TMEM61: variants seen among roughly 807,000 people sequenced by gnomAD.
TMEM61 encodes the protein transmembrane protein 61.
In TMEM61, 13 loss-of-function variants were observed where a neutral mutation model predicts 12.0. That is an observed-to-expected ratio of 1.08 (90% CI 0.70 to 1.72). The LOEUF (loss-of-function observed/expected upper bound fraction) is 1.72. Ranked by LOEUF, TMEM61 falls within the 40% of genes most tolerant of loss-of-function variation. The pLI, the probability that TMEM61 is intolerant of heterozygous loss-of-function variation, is 0.00. For missense variants in TMEM61, 249 were observed against 276.9 expected (o/e 0.90, Z 0.71); for synonymous variants, 109 against 121.4 (o/e 0.90, Z 0.67).
chr1:54,984,487 G>A (rs1464318642), intron 1 of TMEM61, among the ~76,000 whole-genome samples: 3 of 152,188 alleles, frequency 2.0e-5, no homozygotes, highest in Admixed American at 6.5e-5. Context: ...TGTGGAAGCT[G>A]GAATCCTGCA....
At chr1:54,988,271 G>GT (rs954863215) in intron 2 of TMEM61, among the ~76,000 whole-genome samples, 7 of 152,254 alleles carry the variant, frequency 4.6e-5, no homozygotes, top group African/African-American at 1.7e-4. Flanking sequence ...GGGGGTGGGT[G>GT]TTGCCTGTAC....
intron 1 of TMEM61, among the ~76,000 whole-genome samples, chr1:54,984,982 T>G (rs148417313): frequency 6.6e-6 from 1 of 152,154 alleles, no homozygotes. Context: ...TTTTATTTAA[T>G]TGAGACAACA....
At chr1:54,981,724 G>A (rs1313557012) in intron 1 of TMEM61, among the ~76,000 whole-genome samples, 2 of 152,168 alleles carry the variant, frequency 1.3e-5, no homozygotes, top group African/African-American at 4.8e-5. Flanking sequence ...GCAGGAGGGA[G>A]GCTCTGTCCT....
intron 1 of TMEM61, 130 bp downstream of exon 1, chr1:54,981,210 C>T: frequency 9.4e-7 from 1 of 1,065,058 alleles, no homozygotes. Context: ...GGGGCTCTGC[C>T]TGGGTTTTAT....
chr1:54,981,956 A>G (rs1238381934), intron 1 of TMEM61, among the ~76,000 whole-genome samples: 3 of 127,086 alleles, frequency 2.4e-5, no homozygotes, highest in Admixed American at 8.5e-5. Flanking sequence ...GAGAAGCAAT[A>G]TGGTATTATT....
At chr1:54,983,323 A>G (rs1044405858) in intron 1 of TMEM61, among the ~76,000 whole-genome samples, 1 of 151,854 alleles carries the variant, frequency 6.6e-6, no homozygotes, top group Non-Finnish European at 1.5e-5. Flanking sequence ...GGGTTTCACC[A>G]TATTGCCCAG....
Position 54,992,074 on chromosome 1 carries a change from C to G in TMEM61, c.604C>G (p.Leu202Val). ...TPSATRSCSG[L>V]VQTARGGS Reference sequence around the variant, plus strand: ...GAGTGCCACACGCTCCTGCTCAGGCCTGGTTCAGACTGCACGGGGAGGAAG... The same window carrying G: ...GAGTGCCACACGCTCCTGCTCAGGCGTGGTTCAGACTGCACGGGGAGGAAG... Residue 202 changes from leucine (L) to valine (V), a missense_variant, in exon 3 of 3, where the codon CTG becomes GTG. Leu to Val is a conservative substitution (Grantham distance 32). Coordinates refer to ENST00000371268, the MANE Select transcript of TMEM61 (RefSeq NM_182532.3). 1 of 1,613,088 alleles carries G rather than the reference C, an allele frequency of 6.2e-7. No individual in the cohort carries two copies. Among genetic ancestry groups the G allele is most frequent in the Non-Finnish European group, 8.5e-7 (1 of 1,180,004 alleles).
chr1:54,981,036 G>T lies in TMEM61; in HGVS notation c.-30G>T, dbSNP rs200972711. The T allele has an allele frequency of 1.6e-5, 25 of 1,563,684 alleles. No homozygotes were observed. Among genetic ancestry groups the T allele is most frequent in the Admixed American group, 1.9e-5 (1 of 53,390 alleles). Reference sequence around the variant, plus strand: ...TTCACCTGCGCCCGGCTCCCTGCGCGCCTGGACAGCGCCTGCTGCCCGCCT... The same window carrying T: ...TTCACCTGCGCCCGGCTCCCTGCGCTCCTGGACAGCGCCTGCTGCCCGCCT... On this transcript the variant is annotated 5_prime_UTR_variant, in exon 1 of 3. Transcript: ENST00000371268.
At position 54,982,575 on chromosome 1, in the gene TMEM61, G is replaced by A. The variant is rs12747477; in HGVS notation, c.15+1495G>A. ...CGAGACCCACACAGAAAATGACCCC[G>A]ACCCCATGTGAGAACACGCAAAGGG... is the stretch of plus-strand genomic sequence containing the variant. On this transcript the variant is annotated intron_variant, in intron 1 of 2. Transcript: ENST00000371268. 7.8e-3 allele frequency among the ~76,000 whole-genome samples: 1,183 copies of A among 152,206 alleles called. 17 individuals are homozygous for A. The highest frequency in any genetic ancestry group is 8.3e-3 in the Non-Finnish European group (568 of 68,024).
At chr1:54,981,402 G>A (rs1239174047) in intron 1 of TMEM61, among the ~76,000 whole-genome samples, 1 of 152,220 alleles carries the variant, frequency 6.6e-6, no homozygotes, top group East Asian at 1.9e-4. Flanking sequence ...CTGATAACTT[G>A]AGGTCAGGAG....
At chr1:54,991,808 GC>G in intron 2 of TMEM61, 27 bp from the exon 3 acceptor site, 1 of 1,608,226 alleles carries the variant, frequency 6.2e-7, no homozygotes, top group East Asian at 2.2e-5. Context: ...CCCAGCCCCT[GC>G]TAACAGCCTC....
chr1:54,988,665 C>T (rs560861748), intron 2 of TMEM61, among the ~76,000 whole-genome samples: 1 of 152,336 alleles, frequency 6.6e-6, no homozygotes, highest in Admixed American at 6.5e-5. Context: ...GGGCAGGTCC[C>T]TTCCCCTCTT....
chr1:54,991,044 G>A (rs1644294806), intron 2 of TMEM61, among the ~76,000 whole-genome samples: 1 of 152,228 alleles, frequency 6.6e-6, no homozygotes, highest in South Asian at 2.1e-4. Context: ...TCCCCACTGT[G>A]TGTCCCAGGT....
intron 2 of TMEM61, 133 bp from the exon 3 acceptor site, chr1:54,991,703 T>A: frequency 2.7e-6 from 3 of 1,112,574 alleles, no homozygotes; most frequent in Non-Finnish European, 2.6e-6. Flanking sequence ...TGCGTATATG[T>A]GACCCTGGAG....
At chr1:54,989,518 G>A (rs1357032796) in intron 2 of TMEM61, among the ~76,000 whole-genome samples, 1 of 152,236 alleles carries the variant, frequency 6.6e-6, no homozygotes, top group Admixed American at 6.5e-5. Context: ...CTTCCTGTGC[G>A]GGGAGACCAC....
chr1:54,980,808 T>C lies in TMEM61; in HGVS notation c.-258T>C. ...CCGGGGTGAGGCCTGGCTCGGTCCCTGCGCACCGGGTGCGGGCGGCGGAGA... is the reference window on the plus strand; with the variant it reads ...CCGGGGTGAGGCCTGGCTCGGTCCCCGCGCACCGGGTGCGGGCGGCGGAGA... On this transcript the variant is annotated 5_prime_UTR_variant, in exon 1 of 3. Transcript: ENST00000371268. 2.6e-6 allele frequency: 1 copy of C among 381,712 alleles called. No individual in the cohort carries two copies. The highest frequency in any genetic ancestry group is 4.6e-6 in the Non-Finnish European group (1 of 215,830). 23.6% of individuals were successfully genotyped at this position (381,712 alleles called of 1,614,324 possible). A position where few individuals can be genotyped will look rare whatever the true frequency, so the allele number is the denominator to read the frequency against.
chr1:54,983,109 G>GTTTTTGTTTTTT, intron 1 of TMEM61, among the ~76,000 whole-genome samples: 1 of 109,522 alleles, frequency 9.1e-6, no homozygotes, highest in Non-Finnish European at 1.8e-5. Context: ...GTTTTGCTTT[G>GTTTTTGTTTTTT]TTTTTTTTTT....
chr1:54,988,839 A>G (rs1026375903), intron 2 of TMEM61, among the ~76,000 whole-genome samples: 2 of 152,176 alleles, frequency 1.3e-5, no homozygotes, highest in Non-Finnish European at 2.9e-5. Flanking sequence ...TCTTGAGTGT[A>G]AGTCCCCTTA....
At chr1:54,982,885 CT>C (rs1287401228) in intron 1 of TMEM61, among the ~76,000 whole-genome samples, 1 of 152,112 alleles carries the variant, frequency 6.6e-6, no homozygotes, top group East Asian at 1.9e-4. Context: ...GCCACAGTGT[CT>C]TTAGGACACA....
Sources: gnomAD v4.1 joint callset for allele counts (sites outside exome capture counted in the v4.1 genomes callset) on GRCh38, gnomAD v4.1.1 for gene constraint, MANE v1.5 for transcripts, NCBI Gene and HGNC (gene_info 2026-07-23, HGNC 2026-07-21) for gene names.